ADAM19: variants seen among roughly 807,000 people sequenced by gnomAD.
ADAM19 encodes ADAM metallopeptidase domain 19.
ADAM19 carries 65 observed loss-of-function variants against 114.7 expected under a neutral mutation model. The ratio of observed to expected loss-of-function variants is 0.57; its 90% CI spans 0.46 to 0.70. The LOEUF is 0.70. Among genes scored for constraint, ADAM19 ranks in the 30% least tolerant of loss-of-function variants. The pLI is 0.00. For synonymous variants in ADAM19, 466 were observed against 460.5 expected (o/e 1.01, Z -0.15); for missense variants, 1,063 against 1,204.7 (o/e 0.88, Z 1.74).
chr5:157,486,608 C>T (rs985108038), intron 21 of ADAM19, among the ~76,000 whole-genome samples: 10 of 152,010 alleles, frequency 6.6e-5, no homozygotes, highest in African/African-American at 2.2e-4. Flanking sequence ...AGGCTGGCCC[C>T]GTGTTCTCTG....
intron 15 of ADAM19, 77 bp from the exon 16 acceptor site, chr5:157,493,254 C>G: frequency 2.0e-6 from 3 of 1,514,932 alleles, no homozygotes; most frequent in Non-Finnish European, 2.7e-6. Context: ...GAGCTTCAGT[C>G]TTTCTTGATC....
Position 157,537,923 on chromosome 5 carries a change from C to T in ADAM19, c.320G>A (p.Arg107Gln), listed in dbSNP as rs1023266655. ...TTGACCTGAACTCACCTCCAATTTC[C>T]GTGTGGTGGTTTGAGGGTTACCACT... ...TSSGNPQTTT[R>Q]KLEDHCFYHG... The change falls in exon 4 of 23, where the codon CGG becomes CAG. Residue 107 changes from arginine to glutamine, a missense_variant. By Grantham distance (43) the Arg-to-Gln change is conservative (BLOSUM62 1). This residue lies in a region of ADAM19 where 615 missense variants were observed against 706.3 expected (regional missense o/e 0.87). Coordinates refer to ENST00000257527, the MANE Select transcript of ADAM19 (RefSeq NM_033274.5). 25 of 1,613,718 alleles carry T rather than the reference C, an allele frequency of 1.5e-5. No homozygotes were observed. Among genetic ancestry groups the T allele is most frequent in the Non-Finnish European group, 1.9e-5 (23 of 1,179,826 alleles).
chr5:157,531,731 G>T (rs2113756786), intron 4 of ADAM19, among the ~76,000 whole-genome samples: 1 of 151,712 alleles, frequency 6.6e-6, no homozygotes, highest in Non-Finnish European at 1.5e-5. Context: ...TAAATCCAAT[G>T]ATTTGTGTCC....
At chr5:157,556,280 A>C (rs1368883682) in intron 3 of ADAM19, among the ~76,000 whole-genome samples, 1 of 126,500 alleles carries the variant, frequency 7.9e-6, no homozygotes, top group East Asian at 2.3e-4. Context: ...GTGCAGTGGC[A>C]CAATCTCGGC....
At chr5:157,511,371 A>T (rs1755914775) in intron 8 of ADAM19, among the ~76,000 whole-genome samples, 1 of 152,208 alleles carries the variant, frequency 6.6e-6, no homozygotes, top group Non-Finnish European at 1.5e-5. Context: ...AAGTCTCAGC[A>T]AGAAGATGGT....
intron 8 of ADAM19, among the ~76,000 whole-genome samples, chr5:157,511,512 A>G (rs1755920948): frequency 6.6e-6 from 1 of 152,208 alleles, no homozygotes; most frequent in African/African-American, 2.4e-5. Context: ...TGGGCTCCAG[A>G]TTCAGTGAAA....
At chr5:157,512,041 C>G (rs767884860) in intron 8 of ADAM19, among the ~76,000 whole-genome samples, 2 of 152,220 alleles carry the variant, frequency 1.3e-5, no homozygotes, top group African/African-American at 2.4e-5. Flanking sequence ...AGTCAGCCTC[C>G]CATATTCTCC....
intron 4 of ADAM19, among the ~76,000 whole-genome samples, chr5:157,536,465 T>TA (rs1756768689): frequency 6.6e-6 from 1 of 152,120 alleles, no homozygotes; most frequent in Non-Finnish European, 1.5e-5. Flanking sequence ...CTGTCTCTAC[T>TA]AAAAATACAA....
chr5:157,498,362 A>G (rs1755432745), intron 13 of ADAM19, among the ~76,000 whole-genome samples: 1 of 152,230 alleles, frequency 6.6e-6, no homozygotes, highest in South Asian at 2.1e-4. Flanking sequence ...CCCCACAGCC[A>G]GCCTGCCTGG....
At chr5:157,547,926 C>T (rs1320997762) in intron 3 of ADAM19, among the ~76,000 whole-genome samples, 1 of 152,228 alleles carries the variant, frequency 6.6e-6, no homozygotes, top group Non-Finnish European at 1.5e-5. Context: ...AAAGCCCAAA[C>T]TCTTTAAGGT....
chr5:157,479,669 G>C lies in ADAM19; in HGVS notation c.*1280C>G. 1.0e-6 allele frequency: 1 copy of C among 986,042 alleles called. No homozygotes were observed. The highest frequency in any genetic ancestry group is 1.2e-6 in the Non-Finnish European group (1 of 830,138). 61.1% of individuals were successfully genotyped at this position (986,042 alleles called of 1,614,324 possible). A position where few individuals can be genotyped will look rare whatever the true frequency, so the allele number is the denominator to read the frequency against. ...GTGACCAGAGAGAGAACAAAAGGAA[G>C]TGAATGACAAAAAGCTGGGTTGAGG... On this transcript the variant is annotated 3_prime_UTR_variant, in exon 23 of 23. Transcript: ENST00000257527.
intron 3 of ADAM19, among the ~76,000 whole-genome samples, chr5:157,550,340 T>C (rs1281373808): frequency 1.3e-5 from 2 of 152,172 alleles, no homozygotes; most frequent in Non-Finnish European, 2.9e-5. Context: ...AGAGTGTGTG[T>C]CTGTTTCCAA....
At chr5:157,550,261 G>GC (rs11406360) in intron 3 of ADAM19, among the ~76,000 whole-genome samples, 150,908 of 152,304 alleles carry the variant, frequency 0.99, 74,757 homozygotes, top group Middle Eastern at 1. Flanking sequence ...CTTATCCCAG[G>GC]CTCTCTCCTG....
At chr5:157,556,849 T>A (rs1441314360) in intron 3 of ADAM19, among the ~76,000 whole-genome samples, 2 of 152,182 alleles carry the variant, frequency 1.3e-5, no homozygotes, top group East Asian at 3.9e-4. Context: ...TTCCGAAGTA[T>A]CCATTCTCAG....
At chr5:157,505,532 G>C in intron 11 of ADAM19, 137 bp downstream of exon 11, 1 of 1,002,838 alleles carries the variant, frequency 1.0e-6, no homozygotes, top group East Asian at 2.8e-5. Context: ...CAATTTCTTT[G>C]TTGTAAAAAC....
intron 7 of ADAM19, among the ~76,000 whole-genome samples, chr5:157,517,889 C>T (rs1486561923): frequency 6.6e-6 from 1 of 152,220 alleles, no homozygotes; most frequent in Non-Finnish European, 1.5e-5. Context: ...GCAACCCAAT[C>T]GCCCAGAGGT....
intron 21 of ADAM19, among the ~76,000 whole-genome samples, chr5:157,485,885 C>T (rs1370499426): frequency 1.3e-5 from 2 of 152,238 alleles, no homozygotes; most frequent in African/African-American, 4.8e-5. Context: ...CTTCACAGCA[C>T]ATATCACTGT....
rs1754654010 is a variant in ADAM19, at chr5:157,478,318, G to A, written c.*2631C>T. 1 of 149,836 alleles carries A rather than the reference G, an allele frequency of 6.7e-6. No homozygotes were observed. Among genetic ancestry groups the A allele is most frequent in the Admixed American group, 6.7e-5 (1 of 14,966 alleles). The allele number at this position is 149,836 out of a possible 1,614,324, so 9.3% of individuals were successfully genotyped here. On this transcript the variant is annotated 3_prime_UTR_variant, in exon 23 of 23. Transcript: ENST00000257527. ...AAAAAAAAAAAAAAAAAAAAAGGCT[G>A]GGCACAACGTCATTCCCTGAACGTG...
chr5:157,499,711 C>A, intron 12 of ADAM19, 49 bp from the exon 13 acceptor site: 1 of 1,343,768 alleles, frequency 7.4e-7, no homozygotes, highest in Non-Finnish European at 1.0e-6. Context: ...CTTCACCACC[C>A]CCAACATTTT....
Sources: gnomAD v4.1 joint callset for allele counts (sites outside exome capture counted in the v4.1 genomes callset) on GRCh38, gnomAD v4.1.1 for gene constraint, gnomAD v4.1.1 regional missense constraint, MANE v1.5 for transcripts, NCBI Gene and HGNC (gene_info 2026-07-23, HGNC 2026-07-21) for gene names.